Variants in NPLOC4 observed in about 807,000 individuals in gnomAD.
NPLOC4 encodes NPL4 homolog, ubiquitin recognition factor, also known as nuclear protein localization protein 4 homolog.
NPLOC4 carries 18 observed loss-of-function variants against 80.6 expected under a neutral mutation model. The ratio of observed to expected loss-of-function variants is 0.22; its 90% CI spans 0.15 to 0.33. NPLOC4 has a LOEUF of 0.33. Among genes scored for constraint, NPLOC4 ranks in the 10% least tolerant of loss-of-function variants. The pLI is 1.00. For missense variants in NPLOC4, 540 were observed against 786.1 expected, an observed-to-expected ratio of 0.69 and a Z score of 3.74; for synonymous variants, 313 against 301.5, an observed-to-expected ratio of 1.04 and a Z score of -0.39.
intron 2 of NPLOC4, among the ~76,000 whole-genome samples, chr17:81,622,570 TCAGA>T (rs899650874): frequency 5.9e-5 from 9 of 152,204 alleles, no homozygotes; most frequent in Non-Finnish European, 1.3e-4. Flanking sequence ...TGTTTTGTTT[TCAGA>T]CAGTCTCGTT....
At chr17:81,568,854 C>T (rs564774479) in intron 14 of NPLOC4, among the ~76,000 whole-genome samples, 162 bp downstream of exon 14, 2 of 152,368 alleles carry the variant, frequency 1.3e-5, no homozygotes, top group Non-Finnish European at 2.9e-5. Context: ...ATGGGAAGGG[C>T]GTCCACGTGA....
intron 5 of NPLOC4, among the ~76,000 whole-genome samples, chr17:81,609,516 T>C (rs1035662117): frequency 6.6e-6 from 1 of 151,976 alleles, no homozygotes; most frequent in Middle Eastern, 3.4e-3. Context: ...AAAAAAAGAG[T>C]TGCCCAGGCT....
intron 4 of NPLOC4, among the ~76,000 whole-genome samples, chr17:81,611,380 C>T (rs558519811): frequency 6.6e-6 from 1 of 151,512 alleles, no homozygotes; most frequent in East Asian, 2.0e-4. Flanking sequence ...GACGGAGTTT[C>T]ACTCTGTCAC....
At chr17:81,591,458 A>AC (rs1193519152) in intron 11 of NPLOC4, among the ~76,000 whole-genome samples, 5 of 150,242 alleles carry the variant, frequency 3.3e-5, no homozygotes, top group Admixed American at 2.0e-4. Flanking sequence ...AAAAAAAAAA[A>AC]AAAAAAAAAA....
In NPLOC4 at chr17:81,608,859, C is replaced by T. The variant is rs755857507; in HGVS notation, c.436-37G>A. The T allele has an allele frequency of 1.0e-5, 15 of 1,507,198 alleles. No homozygotes were observed. In the African/African-American group the frequency reaches 1.4e-4, roughly 14 times the overall value. The allele number at this position is 1,507,198 out of a possible 1,614,324, so 93.4% of individuals were successfully genotyped here. A position where few individuals can be genotyped will look rare whatever the true frequency, so the allele number is the denominator to read the frequency against. On this transcript the variant is annotated intron_variant, in intron 5 of 16. Coordinates refer to ENST00000331134, the MANE Select transcript of NPLOC4 (RefSeq NM_017921.4). ...CAGAGTAAGCGAGTGCAGTCTCACA[C>T]GTGCCGGTCACTCCAGGCGCTGAGC...
chr17:81,635,126 G>A (rs192136176), intron 1 of NPLOC4, among the ~76,000 whole-genome samples: 6 of 151,876 alleles, frequency 4.0e-5, no homozygotes, highest in Admixed American at 1.3e-4. Context: ...CGGATCACGA[G>A]GTCAGAAGTT....
rs1227026368 is a variant in NPLOC4, at chr17:81,580,260, G to A, written c.1282-8172C>T. 5.3e-5 allele frequency among the ~76,000 whole-genome samples: 8 copies of A among 152,114 alleles called. No individual in the cohort carries two copies. The highest frequency in any genetic ancestry group is 6.5e-5 in the Admixed American group (1 of 15,270). ...GGTGCCTCTGCACTAGCACATCGCC[G>A]ACAGATCCCCAGCCTTCCAGCCTGG... is the stretch of plus-strand genomic sequence containing the variant. On this transcript the variant is annotated intron_variant, in intron 12 of 16. Transcript: ENST00000331134. The surrounding 1 kb of genome is among the most constrained non-coding windows in gnomAD (Gnocchi z 4.4).
At chr17:81,598,013 T>G (rs2034964748) in intron 9 of NPLOC4, among the ~76,000 whole-genome samples, 1 of 145,502 alleles carries the variant, frequency 6.9e-6, no homozygotes, top group Non-Finnish European at 1.5e-5. Flanking sequence ...GAGAATGGTG[T>G]GAACCCGGGA....
rs1598607871 is a variant in NPLOC4, at chr17:81,558,626, T to C, written c.*633A>G. 6.6e-6 allele frequency: 1 copy of C among 152,290 alleles called. No individual in the cohort carries two copies. Among genetic ancestry groups the C allele is most frequent in the Non-Finnish European group, 1.5e-5 (1 of 68,028 alleles). 9.4% of individuals were successfully genotyped at this position (152,290 alleles called of 1,614,324 possible). On this transcript the variant is annotated 3_prime_UTR_variant, in exon 17 of 17. Coordinates refer to ENST00000331134, the MANE Select transcript of NPLOC4 (RefSeq NM_017921.4). ...AAGTCTTCTGGGCAGGAATTACTGA[T>C]AACTGTTATTATAACCAATGCAGAC...
chr17:81,613,287 G>T (rs770246438), intron 4 of NPLOC4, 31 bp downstream of exon 4: 1 of 1,594,776 alleles, frequency 6.3e-7, no homozygotes, highest in Non-Finnish European at 8.5e-7. Context: ...ATCACCACAA[G>T]TAGGACCCTG....
chr17:81,566,142 G>A (rs1041442438), intron 15 of NPLOC4, among the ~76,000 whole-genome samples: 4 of 152,180 alleles, frequency 2.6e-5, no homozygotes, highest in African/African-American at 9.7e-5. Context: ...GACCAGCCTG[G>A]CAAACGTGGC....
At chr17:81,595,439 A>C (rs1041502290) in intron 11 of NPLOC4, among the ~76,000 whole-genome samples, 46 of 146,536 alleles carry the variant, frequency 3.1e-4, no homozygotes, top group African/African-American at 1.0e-3. Flanking sequence ...AAAAAAAAAA[A>C]AAAACCCGTT....
At chr17:81,635,104 T>C (rs952220227) in intron 1 of NPLOC4, among the ~76,000 whole-genome samples, 1 of 151,736 alleles carries the variant, frequency 6.6e-6, no homozygotes, top group Admixed American at 6.6e-5. Flanking sequence ...CATTTTGGTA[T>C]GCCAAGGCGG....
At chr17:81,620,787 T>C (rs7405901) in intron 3 of NPLOC4, among the ~76,000 whole-genome samples, 82,780 of 151,948 alleles carry the variant, frequency 0.54, 23,671 homozygotes, top group East Asian at 0.77. Context: ...GAACAGAGAG[T>C]GTGCACTCAC....
chr17:81,572,045 G>C lies in NPLOC4; in HGVS notation c.1325C>G (p.Pro442Arg). ...FGNEITQLAR[P>R]LPVEYLIIDI... ...TATGATGAGATACTCCACAGGCAGG[G>C]GCCGGGCCAGCTGGGTGATCTCGTT... Residue 442 changes from proline to arginine, a missense_variant, in exon 13 of 17, where the codon CCC (proline) becomes CGC (arginine). By Grantham distance (103) the Pro-to-Arg change is moderately radical. Coordinates refer to ENST00000331134, the MANE Select transcript of NPLOC4 (RefSeq NM_017921.4). The surrounding 1 kb of genome is among the most constrained non-coding windows in gnomAD (Gnocchi z 4.5). 1.9e-6 allele frequency: 3 copies of C among 1,607,554 alleles called. No homozygotes were observed. Among genetic ancestry groups the C allele is most frequent in the Non-Finnish European group, 2.6e-6 (3 of 1,176,424 alleles).
intron 3 of NPLOC4, among the ~76,000 whole-genome samples, chr17:81,619,201 TA>T (rs149822142): frequency 0.63 from 87,421 of 138,118 alleles, 27,087 homozygotes; most frequent in East Asian, 0.75. Context: ...AATGATCAAT[TA>T]AAAAAAAAAA....
chr17:81,616,333 A>AAAAAAAAAAAAAAAAAAAAAGAAAC (rs780878214), intron 3 of NPLOC4, among the ~76,000 whole-genome samples: 7 of 115,634 alleles, frequency 6.1e-5, no homozygotes, highest in African/African-American at 1.0e-4. Flanking sequence ...AAAAAAAAAA[A>AAAAAAAAAAAAAAAAAAAAAGAAAC]AAAAAGAAAA....
chr17:81,584,371 C>A (rs1008510887), intron 12 of NPLOC4, among the ~76,000 whole-genome samples: 3 of 152,156 alleles, frequency 2.0e-5, no homozygotes, highest in African/African-American at 7.2e-5. Flanking sequence ...TATTTCATGA[C>A]AAAAGGGAGC....
intron 3 of NPLOC4, among the ~76,000 whole-genome samples, chr17:81,616,985 T>G (rs561756695): frequency 1.3e-5 from 2 of 152,300 alleles, no homozygotes; most frequent in East Asian, 3.9e-4. Flanking sequence ...ATCTCCCTCC[T>G]GCAGGCAGCT....
Sources: gnomAD v4.1 joint callset for allele counts (sites outside exome capture counted in the v4.1 genomes callset) on GRCh38, gnomAD v4.1.1 for gene constraint, Gnocchi (gnomAD v3.1) non-coding constraint, MANE v1.5 for transcripts, NCBI Gene and HGNC (gene_info 2026-07-23, HGNC 2026-07-21) for gene names.